The following CLVS1 variants were observed in gnomAD, a reference collection of about 807,000 sequenced individuals.
CLVS1 encodes clavesin 1.
Under a neutral mutation model 33.1 loss-of-function variants are expected in CLVS1, and 10 were observed. That is an observed-to-expected ratio of 0.30 (90% CI 0.19 to 0.51). The LOEUF (loss-of-function observed/expected upper bound fraction) is 0.51. Ranked by LOEUF, CLVS1 falls within the 20% of genes least tolerant of loss-of-function variation. The pLI is 0.97. For synonymous variants in CLVS1, 163 were observed against 166.1 expected (o/e 0.98, Z 0.14); for missense variants, 343 against 433.4 (o/e 0.79, Z 1.85).
chr8:61,062,486 G>GT (rs1472933665), intron 1 of CLVS1, among the ~76,000 whole-genome samples: 1 of 152,068 alleles, frequency 6.6e-6, no homozygotes, highest in African/African-American at 2.4e-5. Context: ...ACCACCCTAC[G>GT]TTCCTTAAAA....
intron 2 of CLVS1, among the ~76,000 whole-genome samples, chr8:61,250,737 G>A (rs1254154441): frequency 6.6e-6 from 1 of 152,102 alleles, no homozygotes; most frequent in Non-Finnish European, 1.5e-5. Context: ...TTGGTGTAAA[G>A]GAATGCATGT....
chr8:61,059,449 T>TAC (rs535434469), intron 1 of CLVS1, among the ~76,000 whole-genome samples: 2 of 130,458 alleles, frequency 1.5e-5, no homozygotes, highest in East Asian at 2.4e-4. Flanking sequence ...TATATATATA[T>TAC]ACACACACAT....
chr8:61,276,647 G>A (rs1809566421), intron 2 of CLVS1, among the ~76,000 whole-genome samples: 1 of 152,128 alleles, frequency 6.6e-6, no homozygotes, highest in East Asian at 1.9e-4. Context: ...AAATGATTAT[G>A]TCTTAATCAG....
chr8:61,209,837 T>C (rs1448241687), intron 2 of CLVS1, among the ~76,000 whole-genome samples: 1 of 152,130 alleles, frequency 6.6e-6, no homozygotes, highest in Non-Finnish European at 1.5e-5. Context: ...TTTGAGTGTG[T>C]TTTTGTGGTG....
chr8:61,080,152 TG>T (rs1804995929), intron 1 of CLVS1, among the ~76,000 whole-genome samples: 1 of 152,236 alleles, frequency 6.6e-6, no homozygotes, highest in Non-Finnish European at 1.5e-5. Context: ...ACATTTGTGG[TG>T]GTCACTATTT....
At chr8:61,412,392 G>A (rs1205163335) in intron 3 of CLVS1, among the ~76,000 whole-genome samples, 1 of 152,142 alleles carries the variant, frequency 6.6e-6, no homozygotes, top group Non-Finnish European at 1.5e-5. Flanking sequence ...CATGTTGTGG[G>A]GGTCTCAGTG....
At chr8:61,063,310 A>C (rs569271576) in intron 1 of CLVS1, among the ~76,000 whole-genome samples, 1 of 145,440 alleles carries the variant, frequency 6.9e-6, no homozygotes, top group South Asian at 2.2e-4. Context: ...AGAGAGAGAG[A>C]ACAGTCATTT....
At chr8:61,410,310 T>TC (rs1815170780) in intron 3 of CLVS1, among the ~76,000 whole-genome samples, 1 of 152,184 alleles carries the variant, frequency 6.6e-6, no homozygotes, top group Admixed American at 6.5e-5. Context: ...ACGTTTATTT[T>TC]CCCCCTTCTG....
intron 3 of CLVS1, among the ~76,000 whole-genome samples, chr8:61,405,867 G>C (rs79533349): frequency 1.3e-5 from 2 of 151,844 alleles, no homozygotes; most frequent in African/African-American, 4.8e-5. Context: ...TTTTGACCCT[G>C]TGGCACCTCT....
intron 2 of CLVS1, among the ~76,000 whole-genome samples, chr8:61,263,445 T>G (rs2129592329): frequency 6.6e-6 from 1 of 152,338 alleles, no homozygotes; most frequent in Middle Eastern, 3.4e-3. Context: ...GAAGCCCCAC[T>G]GGGTAGCTCT....
chr8:60,986,745 C>T, the CLVS1 span, among the ~76,000 whole-genome samples: 1 of 152,190 alleles, frequency 6.6e-6, no homozygotes, highest in African/African-American at 2.4e-5. Flanking sequence ...CTAAAGGGCA[C>T]TGAAAGGAAC....
chr8:61,292,647 C>T (rs1024003934), intron 1 of CLVS1, among the ~76,000 whole-genome samples: 1 of 152,096 alleles, frequency 6.6e-6, no homozygotes, highest in Non-Finnish European at 1.5e-5. Flanking sequence ...TATCAACTGC[C>T]AATGACTTCT....
intron 2 of CLVS1, among the ~76,000 whole-genome samples, chr8:61,147,125 A>G (rs576553492): frequency 7.9e-5 from 12 of 152,314 alleles, no homozygotes; most frequent in African/African-American, 2.9e-4. Context: ...AGCTTTTCAG[A>G]GCAGGTGAAC....
chr8:61,414,555 G>A (rs1205637147), intron 3 of CLVS1, among the ~76,000 whole-genome samples: 1 of 152,100 alleles, frequency 6.6e-6, no homozygotes, highest in Non-Finnish European at 1.5e-5. Flanking sequence ...TTCTCCAAGA[G>A]ATTGAGAAAT....
chr8:61,267,109 C>A (rs1809324584), intron 2 of CLVS1, among the ~76,000 whole-genome samples: 1 of 152,152 alleles, frequency 6.6e-6, no homozygotes, highest in Non-Finnish European at 1.5e-5. Context: ...TCATTTTATT[C>A]ACTTGCAGAA....
At chr8:61,303,843 G>A (rs899930173) in intron 2 of CLVS1, among the ~76,000 whole-genome samples, 6 of 152,110 alleles carry the variant, frequency 3.9e-5, no homozygotes, top group East Asian at 1.9e-4. Context: ...TTTGATACAC[G>A]GTAAGCACTC....
At chr8:61,167,276 C>T (rs949454341) in intron 2 of CLVS1, among the ~76,000 whole-genome samples, 1 of 151,254 alleles carries the variant, frequency 6.6e-6, no homozygotes, top group Admixed American at 6.6e-5. Flanking sequence ...CTCACCGCAA[C>T]CTTCGCCTCC....
intron 5 of CLVS1, among the ~76,000 whole-genome samples, chr8:61,486,417 T>C (rs1803885439): frequency 6.6e-6 from 1 of 152,236 alleles, no homozygotes; most frequent in African/African-American, 2.4e-5. Context: ...ACTAAAATCA[T>C]AGTTCAGGCT....
At chr8:61,178,308 A>T (rs531953264) in intron 2 of CLVS1, among the ~76,000 whole-genome samples, 1 of 152,328 alleles carries the variant, frequency 6.6e-6, no homozygotes, top group Non-Finnish European at 1.5e-5. Flanking sequence ...AAAAGAATAA[A>T]AATGAATGAA....
Sources: gnomAD v4.1 joint callset for allele counts (sites outside exome capture counted in the v4.1 genomes callset) on GRCh38, gnomAD v4.1.1 for gene constraint, MANE v1.5 for transcripts, NCBI Gene and HGNC (gene_info 2026-07-23, HGNC 2026-07-21) for gene names.